SPOCK3: variants seen among roughly 807,000 people sequenced by gnomAD.
SPOCK3 encodes the protein testican-3.
A neutral mutation model predicts 56.6 loss-of-function variants in SPOCK3; 30 were observed. That is an observed-to-expected ratio of 0.53 (90% confidence interval 0.40 to 0.72). The LOEUF (loss-of-function observed/expected upper bound fraction) is 0.72. Among genes scored for constraint, SPOCK3 ranks in the 30% least tolerant of loss-of-function variants. The probability of loss-of-function intolerance (pLI) is 0.00; values close to 1 mark genes in which losing one functional copy is unlikely to be tolerated. For missense variants in SPOCK3, 527 were observed against 530.0 expected (o/e 0.99, Z 0.06); for synonymous variants, 196 against 183.3 (o/e 1.07, Z -0.56).
chr4:166,886,283 C>T (rs1310011572), intron 6 of SPOCK3, among the ~76,000 whole-genome samples: 4 of 151,620 alleles, frequency 2.6e-5, no homozygotes, highest in East Asian at 1.9e-4. Context: ...TTGAACAGTA[C>T]GTTAACAAAA....
At chr4:167,001,687 G>T (rs181998739) in intron 3 of SPOCK3, among the ~76,000 whole-genome samples, 18 of 152,200 alleles carry the variant, frequency 1.2e-4, no homozygotes, top group Admixed American at 7.9e-4. Flanking sequence ...GGCACTGAGT[G>T]TCCAGATTTG....
chr4:167,105,474 A>C (rs1233271360), intron 2 of SPOCK3, among the ~76,000 whole-genome samples: 1 of 150,532 alleles, frequency 6.6e-6, no homozygotes, highest in Non-Finnish European at 1.5e-5. Context: ...AAAAAAAAAA[A>C]AAAAAACGAA....
chr4:166,830,240 A>C (rs958315274), intron 6 of SPOCK3, among the ~76,000 whole-genome samples: 3 of 152,176 alleles, frequency 2.0e-5, no homozygotes, highest in Non-Finnish European at 2.9e-5. Context: ...TTATAAGTAA[A>C]TTTGTTTTTT....
chr4:167,119,590 A>G (rs930330503), intron 2 of SPOCK3, among the ~76,000 whole-genome samples: 24 of 152,172 alleles, frequency 1.6e-4, no homozygotes, highest in Non-Finnish European at 3.2e-4. Flanking sequence ...AACCATCATG[A>G]GAAATACTTG....
chr4:166,803,543 A>G (rs73863823), intron 6 of SPOCK3, among the ~76,000 whole-genome samples: 30,203 of 152,124 alleles, frequency 0.2, 4,049 homozygotes, highest in East Asian at 0.68. Context: ...AACGTCTTAA[A>G]GATGACAAAC....
intron 5 of SPOCK3, among the ~76,000 whole-genome samples, chr4:166,893,349 CAACT>C (rs1734991262): frequency 6.6e-6 from 1 of 152,004 alleles, no homozygotes; most frequent in Non-Finnish European, 1.5e-5. Flanking sequence ...TTCTACAAAC[CAACT>C]GTCAATAACA....
At chr4:167,186,589 T>C (rs1011340142) in intron 2 of SPOCK3, among the ~76,000 whole-genome samples, 4 of 151,656 alleles carry the variant, frequency 2.6e-5, no homozygotes, top group Non-Finnish European at 5.9e-5. Context: ...ATCATGCCAT[T>C]GCACTCCAGT....
At chr4:167,157,364 A>G (rs72975541) in intron 2 of SPOCK3, among the ~76,000 whole-genome samples, 1 of 151,936 alleles carries the variant, frequency 6.6e-6, no homozygotes, top group African/African-American at 2.4e-5. Context: ...GCAATTTACA[A>G]TTTTTTTGGT....
At chr4:167,068,394 A>T (rs1049341243) in intron 2 of SPOCK3, among the ~76,000 whole-genome samples, 1 of 151,812 alleles carries the variant, frequency 6.6e-6, no homozygotes, top group Non-Finnish European at 1.5e-5. Flanking sequence ...AACTATTAAT[A>T]TAGTTCTAGT....
chr4:166,890,677 T>G (rs1054637594), intron 5 of SPOCK3, among the ~76,000 whole-genome samples: 1 of 152,066 alleles, frequency 6.6e-6, no homozygotes, highest in Non-Finnish European at 1.5e-5. Flanking sequence ...TACTCCCAGT[T>G]ATGTGGTCAA....
At chr4:167,082,057 C>G (rs1232008850) in intron 2 of SPOCK3, among the ~76,000 whole-genome samples, 3 of 152,090 alleles carry the variant, frequency 2.0e-5, no homozygotes, top group African/African-American at 4.8e-5. Flanking sequence ...TTCTGACAAA[C>G]CCAAATCTCA....
intron 6 of SPOCK3, among the ~76,000 whole-genome samples, chr4:166,794,808 A>G (rs1443835982): frequency 6.6e-6 from 1 of 151,678 alleles, no homozygotes; most frequent in African/African-American, 2.4e-5. Context: ...AGGCCCAGCT[A>G]ATTTTTGTAT....
chr4:167,145,082 C>A (rs1763831563), intron 2 of SPOCK3, among the ~76,000 whole-genome samples: 1 of 151,760 alleles, frequency 6.6e-6, no homozygotes, highest in Admixed American at 6.6e-5. Flanking sequence ...CCAGGATGGT[C>A]ATGCTGGAGT....
chr4:166,864,704 C>A (rs1240162889), intron 6 of SPOCK3, among the ~76,000 whole-genome samples: 1 of 152,072 alleles, frequency 6.6e-6, no homozygotes, highest in African/African-American at 2.4e-5. Context: ...AATTCCTGCA[C>A]ACATACAACC....
intron 6 of SPOCK3, among the ~76,000 whole-genome samples, chr4:166,811,374 G>T (rs1372433729): frequency 6.6e-6 from 1 of 150,560 alleles, no homozygotes; most frequent in East Asian, 2.0e-4. Context: ...CACTGTCTTA[G>T]CTTTATCCCA....
intron 3 of SPOCK3, among the ~76,000 whole-genome samples, chr4:167,033,140 T>C (rs1030828435): frequency 6.6e-6 from 1 of 151,816 alleles, no homozygotes; most frequent in Non-Finnish European, 1.5e-5. Flanking sequence ...ATAAACATTA[T>C]TACTAAATTA....
intron 2 of SPOCK3, among the ~76,000 whole-genome samples, chr4:167,118,511 A>G (rs1161425594): frequency 1.3e-5 from 2 of 152,196 alleles, no homozygotes; most frequent in Non-Finnish European, 2.9e-5. Context: ...TGAACAGTTC[A>G]TATCTTTAGA....
rs374411292 is a variant in SPOCK3 at position 166,912,707 on chromosome 4, C to A, written c.387G>T (p.Arg129Ser). ...GCTTGCAGGTGGATAATATGGGACC[C>A]CTCCACTGCCTATGGTCTACTCCTG... is the stretch of plus-strand genomic sequence containing the variant. ...KEAGVDHRQW[R>S]GPILSTCKQC... is the part of the protein sequence containing the mutation. Residue 129 changes from arginine to serine, a missense_variant, in exon 5 of 11, where the codon AGG (arginine) becomes AGT (serine). Physicochemically the swap from Arg to Ser is moderately radical, Grantham distance 110 (BLOSUM62 -1). Coordinates refer to ENST00000357545, the MANE Select transcript of SPOCK3 (RefSeq NM_001040159.2). 50 of 1,613,066 alleles carry A rather than the reference C, an allele frequency of 3.1e-5. 2 individuals carry two copies. In the South Asian group the frequency reaches 4.5e-4, roughly 15 times the overall value.
At position 166,818,104 on chromosome 4, in the gene SPOCK3, C is replaced by T. The variant is rs542883752; in HGVS notation, c.590-25815G>A. Among the ~76,000 whole-genome samples, 11 of 152,158 alleles carry T rather than the reference C, an allele frequency of 7.2e-5. No individual in the cohort carries two copies. The East Asian group carries it at 2.1e-3, about 30-fold the overall frequency. On this transcript the variant is annotated intron_variant, in intron 6 of 10. Transcript: ENST00000357545. The stretch of plus-strand genomic sequence containing the variant: ...TGTTTTGAAAACAAAATAGCTAATG[C>T]TCTCACAGATGAGTGAAAATATGTC...
Sources: allele counts gnomAD v4.1 joint callset (sites outside exome capture counted in the v4.1 genomes callset), GRCh38; gene constraint gnomAD v4.1.1; transcripts MANE v1.5; gene names NCBI Gene and HGNC (gene_info 2026-07-23, HGNC 2026-07-21).